DDHD2: variants seen among roughly 807,000 people sequenced by gnomAD.
The protein encoded by DDHD2 is triacylglycerol hydrolase DDHD2.
DDHD2 carries 62 observed loss-of-function variants against 91.2 expected under a neutral mutation model. The ratio of observed to expected loss-of-function variants is 0.68; its 90% confidence interval spans 0.55 to 0.84. DDHD2 has a LOEUF of 0.84. Ranked by LOEUF, DDHD2 falls within the 40% of genes least tolerant of loss-of-function variation. The pLI, the probability that DDHD2 is intolerant of heterozygous loss-of-function variation, is 0.00. For synonymous variants in DDHD2, 271 were observed against 293.9 expected (o/e 0.92, Z 0.80); for missense variants, 740 against 846.9 (o/e 0.87, Z 1.57).
At chr8:38,266,204 G>A (rs1433647168), downstream of DDHD2, 11 of 1,613,974 alleles carry the variant, frequency 6.8e-6, no homozygotes, top group Non-Finnish European at 8.5e-6. Flanking sequence ...AAAAGTAGAG[G>A]TGACAGAAAG....
Position 38,245,828 on chromosome 8 carries a change from G to C in DDHD2, c.935G>C (p.Ser312Thr), listed in dbSNP as rs760200295. The C allele has an allele frequency of 4.3e-6, 7 of 1,613,988 alleles. No homozygotes were observed. Among genetic ancestry groups the C allele is most frequent in the Non-Finnish European group, 5.1e-6 (6 of 1,180,020 alleles). ...DTILDVFFYN[S>T]PTYCQTIVDT... ...ATTCTGGATGTCTTCTTCTACAATA[G>C]TCCCACCTACTGTCAGACTATTGTG... is the stretch of plus-strand genomic sequence containing the variant. The change falls in exon 8 of 18, where the codon AGT becomes ACT. Residue 312 changes from serine (S) to threonine (T), a missense_variant. Ser to Thr is a moderately conservative substitution (Grantham distance 58, BLOSUM62 1). This residue lies in a region of DDHD2 where 693 missense variants were observed against 764.2 expected (regional missense o/e 0.91). Coordinates refer to ENST00000397166, the MANE Select transcript of DDHD2 (RefSeq NM_015214.3).
chr8:38,253,429 T>G, intron 15 of DDHD2, 127 bp from the exon 16 acceptor site: 1 of 852,130 alleles, frequency 1.2e-6, no homozygotes, highest in Non-Finnish European at 1.8e-6. Flanking sequence ...AGGAGGAAGA[T>G]GGGAGAGAGC....
At chr8:38,269,207 C>A in intron 1 of DDHD2, 1 of 1,496,530 alleles carries the variant, frequency 6.7e-7, no homozygotes, top group Non-Finnish European at 8.8e-7. Context: ...CATCCGGCCG[C>A]GAGCTCCGAG....
Position 38,234,571 on chromosome 8 carries a change from G to A in DDHD2, c.398G>A (p.Ser133Asn). ...NKYVPYSESF[S>N]QVLEETYMLA... ...TATGTTCCCTACTCGGAGAGCTTCA[G>A]CCAAGTTTTAGAGGTATTCTTTTGA... The change falls in exon 3 of 18, where the codon AGC becomes AAC. Residue 133 changes from serine to asparagine, a missense_variant. Ser to Asn is a conservative substitution (Grantham distance 46). Transcript: ENST00000397166. 1 of 1,608,002 alleles carries A rather than the reference G, an allele frequency of 6.2e-7. No homozygotes were observed. The highest frequency in any genetic ancestry group is 1.1e-5 in the South Asian group (1 of 89,292).
intron 3 of DDHD2, among the ~76,000 whole-genome samples, chr8:38,236,044 G>A (rs140210915): frequency 1.4e-4 from 21 of 152,188 alleles, no homozygotes; most frequent in East Asian, 1.4e-3. Flanking sequence ...CAAGAGTGTC[G>A]TTCTGTTTCC....
intron 1 of DDHD2, chr8:38,268,601 G>C (rs1808105971): frequency 6.9e-7 from 1 of 1,453,404 alleles, no homozygotes; most frequent in African/African-American, 1.4e-5. Context: ...GCGCCAGGCA[G>C]CGCCACCAGT....
chr8:38,235,590 G>A (rs1274834640), intron 3 of DDHD2, among the ~76,000 whole-genome samples: 1 of 151,426 alleles, frequency 6.6e-6, no homozygotes, highest in Non-Finnish European at 1.5e-5. Flanking sequence ...GCACGGTGGT[G>A]CACGCCTGTA....
chr8:38,255,715 G>A (rs1162460151), intron 16 of DDHD2, among the ~76,000 whole-genome samples: 3 of 150,834 alleles, frequency 2.0e-5, no homozygotes, highest in East Asian at 3.9e-4. Flanking sequence ...TAGCTGCATA[G>A]TCTTCCGTTA....
At chr8:38,265,264 CAAA>C (rs1228103198), downstream of DDHD2, among the ~76,000 whole-genome samples, 4 of 70,998 alleles carry the variant, frequency 5.6e-5, no homozygotes, top group Non-Finnish European at 2.7e-5. Flanking sequence ...GACTCTGTCT[CAAA>C]AAAAAAAAAA....
At chr8:38,258,417 T>A (rs984691764) in intron 16 of DDHD2, among the ~76,000 whole-genome samples, 16 of 152,050 alleles carry the variant, frequency 1.1e-4, no homozygotes, top group African/African-American at 3.4e-4. Flanking sequence ...CATGCCCAGC[T>A]AATTTTTGTA....
At chr8:38,255,382 A>G (rs1305556522) in intron 16 of DDHD2, 1 of 483,354 alleles carries the variant, frequency 2.1e-6, no homozygotes, top group East Asian at 5.7e-5. Flanking sequence ...GGCTTGATAG[A>G]AAAGAAAGCA....
intron 7 of DDHD2, among the ~76,000 whole-genome samples, chr8:38,243,708 G>T (rs1347236719): frequency 6.6e-6 from 1 of 151,286 alleles, no homozygotes; most frequent in Non-Finnish European, 1.5e-5. Flanking sequence ...GCTCACTGCA[G>T]CCTGGACCTC....
At position 38,253,695 on chromosome 8, in the gene DDHD2, T is replaced by G. The variant is rs1183640064; in HGVS notation, c.2031T>G (p.Ala677=). 1.2e-6 allele frequency: 2 copies of G among 1,614,084 alleles called. No homozygotes were observed. Among genetic ancestry groups the G allele is most frequent in the African/African-American group, 2.7e-5 (2 of 75,072 alleles). Residue 677 remains alanine, a synonymous_variant, in exon 16 of 18, where the codon GCT becomes GCG. Coordinates refer to ENST00000397166, the MANE Select transcript of DDHD2 (RefSeq NM_015214.3). ...AAAGTTTTAATGAGTATTTATTTGC[T>G]TTACAAAGCCATCTATGCTACTGGT... ...PIESFNEYLF[A]LQSHLCYWES...
At chr8:38,240,615 A>T (rs1805176204) in intron 6 of DDHD2, among the ~76,000 whole-genome samples, 1 of 152,236 alleles carries the variant, frequency 6.6e-6, no homozygotes, top group Non-Finnish European at 1.5e-5. Flanking sequence ...GTGTTTTATG[A>T]TGTGGTGGTC....
intron 3 of DDHD2, among the ~76,000 whole-genome samples, chr8:38,235,415 TA>T (rs1804635449): frequency 6.6e-6 from 1 of 151,996 alleles, no homozygotes; most frequent in Non-Finnish European, 1.5e-5. Flanking sequence ...TGTGGTGTTT[TA>T]AGGTGTAAAA....
intron 1 of DDHD2, chr8:38,268,804 C>A: frequency 6.9e-7 from 1 of 1,450,662 alleles, no homozygotes; most frequent in South Asian, 1.5e-5. Context: ...CAAAGGCCGT[C>A]TCGGGGTGGA....
chr8:38,263,480 T>A, downstream of DDHD2: 1 of 985,352 alleles, frequency 1.0e-6, no homozygotes, highest in Non-Finnish European at 1.2e-6. Flanking sequence ...AGTCATCTGT[T>A]AGTAGTGCTG....
downstream of DDHD2, chr8:38,263,352 G>A: frequency 1.0e-6 from 1 of 982,518 alleles, no homozygotes; most frequent in Non-Finnish European, 1.2e-6. Flanking sequence ...GACGATACCT[G>A]TCATTTTTCT....
In DDHD2 at chr8:38,234,581, A is replaced by G. The variant is rs1804554369; in HGVS notation, c.408A>G (p.Leu136=). 1 of 1,598,166 alleles carries G rather than the reference A, an allele frequency of 6.3e-7. No homozygotes were observed. Among genetic ancestry groups the G allele is most frequent in the African/African-American group, 1.4e-5 (1 of 73,970 alleles). ...ACTCGGAGAGCTTCAGCCAAGTTTT[A>G]GAGGTATTCTTTTGACTCTTTTTTT... The part of the protein sequence containing the change: ...VPYSESFSQV[L]EETYMLAVTL... Residue 136 remains leucine (L), a synonymous_variant, in exon 3 of 18, where the codon TTA becomes TTG. Coordinates refer to ENST00000397166, the MANE Select transcript of DDHD2 (RefSeq NM_015214.3).
Sources: gnomAD v4.1 joint callset for allele counts (sites outside exome capture counted in the v4.1 genomes callset) on GRCh38, gnomAD v4.1.1 for gene constraint, gnomAD v4.1.1 regional missense constraint, MANE v1.5 for transcripts, NCBI Gene and HGNC (gene_info 2026-07-23, HGNC 2026-07-21) for gene names.